The following MED15 variants were observed in gnomAD, a reference collection of about 807,000 sequenced individuals.
MED15 encodes the protein mediator complex subunit 15.
Under a neutral mutation model 118.7 loss-of-function variants are expected in MED15, and 41 were observed. That is an observed-to-expected ratio of 0.35 (90% CI 0.27 to 0.45). The LOEUF is 0.45. Among genes scored for constraint, MED15 ranks in the 20% least tolerant of loss-of-function variants. The probability of loss-of-function intolerance (pLI) is 1.00; values close to 1 mark genes in which losing one functional copy is unlikely to be tolerated. For synonymous variants in MED15, 436 were observed against 413.9 expected (o/e 1.05, Z -0.65); for missense variants, 740 against 1,025.5 (o/e 0.72, Z 3.80).
At chr22:20,585,413 C>T in intron 16 of MED15, 146 bp downstream of exon 16, 8 of 1,102,160 alleles carry the variant, frequency 7.3e-6, no homozygotes, top group Non-Finnish European at 1.0e-5. Flanking sequence ...TCCTCACACA[C>T]ACCGGGCTCC....
intron 1 of MED15, among the ~76,000 whole-genome samples, chr22:20,534,687 G>A (rs992123748): frequency 1.5e-4 from 23 of 152,148 alleles, no homozygotes; most frequent in African/African-American, 4.1e-4. Context: ...AGCAGCTATC[G>A]TCTCAGCCTC....
chr22:20,571,272 G>C (rs2056652981), intron 8 of MED15, among the ~76,000 whole-genome samples: 1 of 152,248 alleles, frequency 6.6e-6, no homozygotes, highest in African/African-American at 2.4e-5. Context: ...CTGTCCTTGG[G>C]CCACTGGTCT....
chr22:20,577,671 A>G (rs780909299), intron 9 of MED15, among the ~76,000 whole-genome samples: 3 of 151,756 alleles, frequency 2.0e-5, no homozygotes, highest in Admixed American at 2.0e-4. Flanking sequence ...GTGGGGTGAG[A>G]GCGCTCTCAT....
chr22:20,553,177 A>G lies in MED15; in HGVS notation c.238+3A>G. 1 of 1,612,458 alleles carries G rather than the reference A, an allele frequency of 6.2e-7. No individual in the cohort carries two copies. The highest frequency in any genetic ancestry group is 8.5e-7 in the Non-Finnish European group (1 of 1,178,782). ...GAAATCTCAAGCTTCCGTCAGTGGT[A>G]AGAGTTTTCCCTTTTGAGTTAAAGT... On this transcript the variant is annotated splice_donor_region_variant and intron_variant, in intron 4 of 17. Coordinates refer to ENST00000263205, the MANE Select transcript of MED15 (RefSeq NM_001003891.3).
intron 2 of MED15, among the ~76,000 whole-genome samples, chr22:20,545,141 AG>A (rs2055476535): frequency 6.6e-6 from 1 of 152,164 alleles, no homozygotes. Flanking sequence ...TTGATTGCCA[AG>A]GGTGCTGTAG....
intron 8 of MED15, chr22:20,574,808 T>G (rs16988549): frequency 0.019 from 5,746 of 300,312 alleles, 307 homozygotes; most frequent in African/African-American, 0.11. Context: ...AGGATTCTGA[T>G]CTGTTAGCGA....
chr22:20,575,605 C>T (rs1395766296), intron 9 of MED15, among the ~76,000 whole-genome samples: 1 of 151,930 alleles, frequency 6.6e-6, no homozygotes, highest in Admixed American at 6.6e-5. Context: ...GGCACAGGGG[C>T]TTATGGCTAT....
intron 1 of MED15, among the ~76,000 whole-genome samples, chr22:20,526,455 A>G (rs1257929098): frequency 6.6e-6 from 1 of 152,156 alleles, no homozygotes; most frequent in African/African-American, 2.4e-5. Flanking sequence ...TCATTCTTCC[A>G]GTATTCTACT....
chr22:20,524,841 C>T (rs2054577507), intron 1 of MED15, among the ~76,000 whole-genome samples: 1 of 152,078 alleles, frequency 6.6e-6, no homozygotes, highest in African/African-American at 2.4e-5. Flanking sequence ...TTTCGAACTC[C>T]TGACCTCGTG....
At chr22:20,573,311 C>G (rs564748255) in intron 8 of MED15, among the ~76,000 whole-genome samples, 1 of 152,190 alleles carries the variant, frequency 6.6e-6, no homozygotes, top group East Asian at 1.9e-4. Context: ...TGTCATTTAA[C>G]GTTCTATTCT....
At chr22:20,517,357 T>G (rs2054290062) in intron 1 of MED15, among the ~76,000 whole-genome samples, 1 of 152,220 alleles carries the variant, frequency 6.6e-6, no homozygotes, top group African/African-American at 2.4e-5. Flanking sequence ...TGACCTGTGC[T>G]CCATCATACC....
At chr22:20,511,607 A>G (rs994566535) in intron 1 of MED15, among the ~76,000 whole-genome samples, 1 of 151,714 alleles carries the variant, frequency 6.6e-6, no homozygotes, top group Non-Finnish European at 1.5e-5. Flanking sequence ...GAGCTGGTAT[A>G]TAGTCTAGTC....
chr22:20,551,559 A>G, intron 3 of MED15, 72 bp downstream of exon 3: 1 of 1,450,220 alleles, frequency 6.9e-7, no homozygotes, highest in East Asian at 2.3e-5. Flanking sequence ...GCCTCGGCAG[A>G]GCTTTCTGGG....
rs368478907 is a variant in MED15 at position 20,586,777 on chromosome 22, G to A, written c.*73G>A. On this transcript the variant is annotated 3_prime_UTR_variant, in exon 18 of 18. Coordinates refer to ENST00000263205, the MANE Select transcript of MED15 (RefSeq NM_001003891.3). ...CGCCTCCTGTCAGACACTTCTAGGTGTTGGCTTCCTTAGAGAGCCTGGGGT... is the reference window on the plus strand; with the variant it reads ...CGCCTCCTGTCAGACACTTCTAGGTATTGGCTTCCTTAGAGAGCCTGGGGT... 1.9e-6 allele frequency: 3 copies of A among 1,578,362 alleles called. No homozygotes were observed. The highest frequency in any genetic ancestry group is 4.5e-5 in the East Asian group (2 of 44,370).
rs543081619 is a variant in MED15, at chr22:20,544,453, C to T, written c.157-6983C>T. Among the ~76,000 whole-genome samples, 5 of 152,270 alleles carry T rather than the reference C, an allele frequency of 3.3e-5. No individual in the cohort carries two copies. In the South Asian group the frequency reaches 8.3e-4, roughly 25 times the overall value. ...GGCTGAGGCGGGCAGATCACAAGAT[C>T]AGGAGATCGCAACCATCCTGGCTAA... On this transcript the variant is annotated intron_variant, in intron 2 of 17. Coordinates refer to ENST00000263205, the MANE Select transcript of MED15 (RefSeq NM_001003891.3).
At chr22:20,553,684 C>T (rs1363987664) in intron 4 of MED15, among the ~76,000 whole-genome samples, 1 of 152,032 alleles carries the variant, frequency 6.6e-6, no homozygotes, top group Non-Finnish European at 1.5e-5. Flanking sequence ...ACCAGCCTGG[C>T]CAACATGGTA....
intron 8 of MED15, among the ~76,000 whole-genome samples, chr22:20,570,639 C>T (rs2056613268): frequency 1.3e-5 from 2 of 151,924 alleles, no homozygotes; most frequent in African/African-American, 4.8e-5. Context: ...GATTCACCCG[C>T]CTCAGCCTCC....
intron 8 of MED15, among the ~76,000 whole-genome samples, chr22:20,569,060 G>A (rs1221194024): frequency 5.3e-5 from 8 of 152,232 alleles, no homozygotes; most frequent in Non-Finnish European, 7.3e-5. Flanking sequence ...CAGCAGGAGC[G>A]TGGGAGAAGG....
rs1317929731 is a variant in MED15, at chr22:20,586,563, T to C, written c.2231-5T>C. 6.2e-7 allele frequency: 1 copy of C among 1,612,178 alleles called. No homozygotes were observed. Among genetic ancestry groups the C allele is most frequent in the East Asian group, 2.2e-5 (1 of 44,864 alleles). On this transcript the variant is annotated splice_region_variant and splice_polypyrimidine_tract_variant and intron_variant, in intron 17 of 17. Transcript: ENST00000263205. ...CTTAGGTTCACGCCCACTGCTCTGT[T>C]GCAGACGCCAACCCCTTCCTCCAGT...
Sources: allele counts gnomAD v4.1 joint callset (sites outside exome capture counted in the v4.1 genomes callset), GRCh38; gene constraint gnomAD v4.1.1; transcripts MANE v1.5; gene names NCBI Gene and HGNC (gene_info 2026-07-23, HGNC 2026-07-21).